The following SAE1 variants were observed in gnomAD, a reference collection of about 807,000 sequenced individuals.
SAE1 encodes SUMO-activating enzyme subunit 1.
A neutral mutation model predicts 40.6 loss-of-function variants in SAE1; 11 were observed. The ratio of observed to expected loss-of-function variants is 0.27; its 90% CI spans 0.17 to 0.45. The LOEUF (loss-of-function observed/expected upper bound fraction) is 0.45, where lower values mean the gene tolerates loss of function less well. Ranked by LOEUF, SAE1 falls within the 20% of genes least tolerant of loss-of-function variation. The pLI is 1.00. For missense variants in SAE1, 373 were observed against 427.3 expected (o/e 0.87, Z 1.12); for synonymous variants, 155 against 154.3 (o/e 1.00, Z -0.03).
intron 5 of SAE1, among the ~76,000 whole-genome samples, chr19:47,163,985 TCTCGAA>T (rs2058374339): frequency 6.6e-6 from 1 of 151,602 alleles, no homozygotes; most frequent in Non-Finnish European, 1.5e-5. Context: ...GCCAGGCTGG[TCTCGAA>T]CTCCTGACCT....
At chr19:47,205,535 G>T (rs2058681901) in intron 8 of SAE1, among the ~76,000 whole-genome samples, 2 of 152,162 alleles carry the variant, frequency 1.3e-5, no homozygotes, top group African/African-American at 2.4e-5. Flanking sequence ...AATCTGAGAA[G>T]AGGGTAATGG....
chr19:47,203,842 C>A, intron 8 of SAE1, 102 bp downstream of exon 8: 1 of 1,029,886 alleles, frequency 9.7e-7, no homozygotes, highest in African/African-American at 1.6e-5. Flanking sequence ...CTTTCTCTCA[C>A]CCCATTCATC....
Position 47,149,423 on chromosome 19 carries a change from G to T in SAE1, c.211-779G>T, listed in dbSNP as rs769192795. On this transcript the variant is annotated intron_variant, in intron 2 of 8. Transcript: ENST00000270225. ...TGACCTCAGGTGATCCTCCTGCCTC[G>T]GCCTCCCAAAGTGCTGGGATTACAG... Among the ~76,000 whole-genome samples, 8 of 151,804 alleles carry T rather than the reference G, an allele frequency of 5.3e-5. No homozygotes were observed. In the East Asian group the frequency reaches 1.6e-3, roughly 30 times the overall value.
At chr19:47,150,723 C>T (rs545608813) in intron 3 of SAE1, among the ~76,000 whole-genome samples, 3 of 152,126 alleles carry the variant, frequency 2.0e-5, no homozygotes, top group Non-Finnish European at 2.9e-5. Context: ...TGTTTTCTTC[C>T]GAAAACTTAA....
At position 47,160,185 on chromosome 19, in the gene SAE1, C is replaced by T. The variant is rs147598340; in HGVS notation, c.627+4972C>T. Among the ~76,000 whole-genome samples the T allele has an allele frequency of 9.6e-3, 1,451 of 150,980 alleles. 22 individuals carry two copies. Among genetic ancestry groups the T allele is most frequent in the Non-Finnish European group, 0.015 (1,042 of 67,852 alleles). ...GTCACTCAGTTGCCTGGATTGGAAC[C>T]CTCAGGCCAGAGAGGTTCAAAATCC... On this transcript the variant is annotated intron_variant, in intron 5 of 8. Transcript: ENST00000270225.
intron 5 of SAE1, among the ~76,000 whole-genome samples, chr19:47,156,120 A>C (rs2058323101): frequency 6.6e-6 from 1 of 151,764 alleles, no homozygotes; most frequent in Admixed American, 6.6e-5. Flanking sequence ...AAAAATGTAA[A>C]AATTTGTCTG....
rs768629382 is a variant in SAE1 at position 47,197,222 on chromosome 19, C to T, written c.734-11C>T. 1.3e-6 allele frequency: 2 copies of T among 1,575,052 alleles called. No individual in the cohort carries two copies. The highest frequency in any genetic ancestry group is 8.6e-7 in the Non-Finnish European group (1 of 1,166,794). ...TGGCTTTATAACCTGCCTTCTTTTT[C>T]TTATTCCCAGTGCTCTTAAAGTTCC... is the stretch of plus-strand genomic sequence containing the variant. On this transcript the variant is annotated splice_polypyrimidine_tract_variant and intron_variant, in intron 6 of 8. Transcript: ENST00000270225.
chr19:47,141,950 A>G (rs979373703), intron 1 of SAE1, among the ~76,000 whole-genome samples: 4 of 152,134 alleles, frequency 2.6e-5, no homozygotes, highest in Non-Finnish European at 5.9e-5. Flanking sequence ...GTGACTCTGA[A>G]ATACTTCTGG....
rs1460902578 is a variant in SAE1 at position 47,209,329 on chromosome 19, C to T, written c.*78C>T. On this transcript the variant is annotated 3_prime_UTR_variant, in exon 9 of 9. Transcript: ENST00000270225. Reference sequence around the variant, plus strand: ...TCCCTGTCCCCTTCCTTCATGAAGGCATCTCCAGGCAAGGAAAACTGAAGT... The same window carrying T: ...TCCCTGTCCCCTTCCTTCATGAAGGTATCTCCAGGCAAGGAAAACTGAAGT... 1 of 1,605,768 alleles carries T rather than the reference C, an allele frequency of 6.2e-7. No homozygotes were observed. Among genetic ancestry groups the T allele is most frequent in the African/African-American group, 1.3e-5 (1 of 74,802 alleles).
At chr19:47,147,849 C>T (rs979130775) in intron 2 of SAE1, among the ~76,000 whole-genome samples, 4 of 151,470 alleles carry the variant, frequency 2.6e-5, no homozygotes, top group Non-Finnish European at 4.4e-5. Context: ...AGCTCTGCCT[C>T]CCGGGTTCAC....
intron 2 of SAE1, 75 bp from the exon 3 acceptor site, chr19:47,150,127 A>C (rs1204677439): frequency 1.7e-6 from 2 of 1,144,776 alleles, no homozygotes; most frequent in African/African-American, 1.6e-5. Flanking sequence ...CTATCCTTTA[A>C]AATTTAAAGA....
chr19:47,171,642 G>A (rs918481560), intron 6 of SAE1, among the ~76,000 whole-genome samples: 2 of 151,738 alleles, frequency 1.3e-5, no homozygotes, highest in Admixed American at 6.6e-5. Context: ...TAGTATTTTT[G>A]TATTTTTTTT....
Position 47,152,925 on chromosome 19 carries a change from G to T in SAE1, c.412G>T (p.Val138Phe). The T allele has an allele frequency of 6.2e-7, 1 of 1,611,948 alleles. No individual in the cohort carries two copies. Among genetic ancestry groups the T allele is most frequent in the Non-Finnish European group, 8.5e-7 (1 of 1,179,872 alleles). ...AVCLTCCSRD[V>F]IVKVDQICHK... ...GTGTCTGACTTGCTGCTCCAGGGAT[G>T]TCATAGTTAAAGTTGACCAGATCTG... Residue 138 changes from valine (V) to phenylalanine (F), a missense_variant, in exon 4 of 9, where the codon GTC becomes TTC. Physicochemically the swap from Val to Phe is conservative, Grantham distance 50. Transcript: ENST00000270225.
intron 6 of SAE1, among the ~76,000 whole-genome samples, chr19:47,174,869 G>A (rs1258444713): frequency 6.6e-6 from 1 of 151,708 alleles, no homozygotes; most frequent in Non-Finnish European, 1.5e-5. Flanking sequence ...CACCGCGCCT[G>A]GCCACATTTT....
At chr19:47,172,291 A>G (rs1183054973) in intron 6 of SAE1, among the ~76,000 whole-genome samples, 2 of 152,230 alleles carry the variant, frequency 1.3e-5, no homozygotes, top group Non-Finnish European at 2.9e-5. Flanking sequence ...TGAGTGTTGC[A>G]TGTGAGTGGG....
chr19:47,186,440 G>A (rs7251708), intron 6 of SAE1, among the ~76,000 whole-genome samples: 37,632 of 151,892 alleles, frequency 0.25, 4,760 homozygotes, highest in South Asian at 0.4. Flanking sequence ...CATTCAGCGG[G>A]TAAGGGTCAG....
intron 8 of SAE1, among the ~76,000 whole-genome samples, chr19:47,208,608 T>C (rs1207757260): frequency 6.6e-6 from 1 of 152,172 alleles, no homozygotes; most frequent in African/African-American, 2.4e-5. Context: ...GTATTTTTAG[T>C]AGAGACAGGT....
chr19:47,170,157 C>T (rs1342284521), intron 6 of SAE1, among the ~76,000 whole-genome samples: 1 of 152,154 alleles, frequency 6.6e-6, no homozygotes, highest in African/African-American at 2.4e-5. Flanking sequence ...ACCTCCCTGT[C>T]AAGTTGACCT....
At chr19:47,152,281 T>C (rs1481953231) in intron 3 of SAE1, among the ~76,000 whole-genome samples, 2 of 152,238 alleles carry the variant, frequency 1.3e-5, no homozygotes, top group East Asian at 1.9e-4. Flanking sequence ...ACACTGATAA[T>C]TCCACTGAGT....
Sources: allele counts gnomAD v4.1 joint callset (sites outside exome capture counted in the v4.1 genomes callset), GRCh38; gene constraint gnomAD v4.1.1; transcripts MANE v1.5; gene names NCBI Gene and HGNC (gene_info 2026-07-23, HGNC 2026-07-21).